Variants in UBASH3B observed in about 807,000 individuals in gnomAD.
UBASH3B encodes the protein ubiquitin associated and SH3 domain containing B, also known as ubiquitin-associated and SH3 domain-containing protein B.
Under a neutral mutation model 83.4 loss-of-function variants are expected in UBASH3B, and 37 were observed. The observed-to-expected ratio is 0.44, with a 90% CI of 0.34 to 0.58. The LOEUF (loss-of-function observed/expected upper bound fraction) is 0.58, where lower values mean the gene tolerates loss of function less well. UBASH3B is among the 20% of genes least tolerant of loss of function. The probability of loss-of-function intolerance (pLI) is 0.01; values close to 1 mark genes in which losing one functional copy is unlikely to be tolerated. For synonymous variants in UBASH3B, 304 were observed against 318.3 expected (o/e 0.96, Z 0.48); for missense variants, 657 against 827.2 (o/e 0.79, Z 2.52).
intron 1 of UBASH3B, among the ~76,000 whole-genome samples, chr11:122,753,988 T>C (rs554925685): frequency 5.9e-5 from 9 of 152,244 alleles, no homozygotes; most frequent in Admixed American, 1.3e-4. Context: ...TCTGTGATGA[T>C]GGGAAGGTTT....
At chr11:122,720,397 C>CCAAACTGGTCTCCCTGTTTTG (rs1860604111) in intron 1 of UBASH3B, among the ~76,000 whole-genome samples, 1 of 152,192 alleles carries the variant, frequency 6.6e-6, no homozygotes, top group South Asian at 2.1e-4. Flanking sequence ...GCAATTGCCT[C>CCAAACTGGTCTCCCTGTTTTG]CAAACTGGTC....
chr11:122,715,515 C>T (rs1860505178), intron 1 of UBASH3B, among the ~76,000 whole-genome samples: 1 of 152,184 alleles, frequency 6.6e-6, no homozygotes, highest in African/African-American at 2.4e-5. Flanking sequence ...GCATAGCTAT[C>T]ATCTTTTAGG....
At chr11:122,733,603 C>T (rs1222310394) in intron 1 of UBASH3B, among the ~76,000 whole-genome samples, 1 of 152,170 alleles carries the variant, frequency 6.6e-6, no homozygotes, top group Admixed American at 6.5e-5. Flanking sequence ...ATCCTCCATT[C>T]GCAGCTGCCT....
chr11:122,685,803 A>T (rs1181292125), intron 1 of UBASH3B, among the ~76,000 whole-genome samples: 1 of 152,218 alleles, frequency 6.6e-6, no homozygotes, highest in Non-Finnish European at 1.5e-5. Flanking sequence ...TACAGGCGTG[A>T]GCTACCACAC....
intron 1 of UBASH3B, chr11:122,774,218 G>A (rs1860695332): frequency 1.0e-6 from 1 of 985,366 alleles, no homozygotes. Context: ...GCTGTTCCAA[G>A]CGGAGCAGAG....
chr11:122,775,588 C>T (rs1860717429), intron 1 of UBASH3B: 2 of 152,170 alleles, frequency 1.3e-5, no homozygotes. Context: ...GCCTGGGCAA[C>T]ATAATGATAT....
intron 1 of UBASH3B, among the ~76,000 whole-genome samples, chr11:122,694,992 C>G (rs1305045971): frequency 3.3e-5 from 3 of 89,760 alleles, no homozygotes; most frequent in African/African-American, 4.3e-5. Flanking sequence ...GAGGTGGAGT[C>G]TCCCTCTTTC....
Position 122,796,999 on chromosome 11 carries a change from C to T in UBASH3B, c.1323C>T (p.Ile441=), listed in dbSNP as rs1326764867. Residue 441 remains isoleucine, a synonymous_variant, in exon 9 of 14, where the codon ATC becomes ATT. Transcript: ENST00000284273. The part of the protein sequence containing the change: ...GFRDYEKDAP[I]TVFGCMQARL... ...GAGATTACGAGAAAGATGCTCCCAT[C>T]ACTGTGTTTGGATGCATGCAAGCAA... 1.9e-6 allele frequency: 3 copies of T among 1,613,618 alleles called. No homozygotes were observed. The highest frequency in any genetic ancestry group is 2.5e-6 in the Non-Finnish European group (3 of 1,179,718).
chr11:122,658,380 T>C (rs958788262), intron 1 of UBASH3B, among the ~76,000 whole-genome samples: 1 of 152,170 alleles, frequency 6.6e-6, no homozygotes, highest in African/African-American at 2.4e-5. Flanking sequence ...TAAAGGGACA[T>C]CTTTTCTCCT....
chr11:122,711,637 C>T (rs1462409415), intron 1 of UBASH3B, among the ~76,000 whole-genome samples: 2 of 152,252 alleles, frequency 1.3e-5, no homozygotes, highest in Admixed American at 6.5e-5. Flanking sequence ...ATTACTACCT[C>T]ATGCTGTGTA....
At chr11:122,753,697 G>A (rs1861238483) in intron 1 of UBASH3B, among the ~76,000 whole-genome samples, 1 of 151,658 alleles carries the variant, frequency 6.6e-6, no homozygotes, top group Non-Finnish European at 1.5e-5. Context: ...ATTTCTCCAT[G>A]TTGGTCAGGC....
intron 10 of UBASH3B, 126 bp downstream of exon 10, chr11:122,799,160 G>A (rs1165281590): frequency 3.0e-5 from 24 of 811,994 alleles, no homozygotes; most frequent in Non-Finnish European, 4.7e-5. Flanking sequence ...AATGAAGCAA[G>A]GATTCTTTCA....
At chr11:122,679,660 C>T (rs1179610732) in intron 1 of UBASH3B, among the ~76,000 whole-genome samples, 1 of 152,128 alleles carries the variant, frequency 6.6e-6, no homozygotes, top group Non-Finnish European at 1.5e-5. Context: ...CATATGGTCT[C>T]CATGGTGGCT....
chr11:122,738,284 A>G (rs1238836668), intron 1 of UBASH3B, among the ~76,000 whole-genome samples: 21 of 152,240 alleles, frequency 1.4e-4, no homozygotes, highest in Admixed American at 1.4e-3. Context: ...TTATTATTCA[A>G]TGGCATGAAT....
At chr11:122,750,743 A>G (rs1861186553) in intron 1 of UBASH3B, among the ~76,000 whole-genome samples, 1 of 152,126 alleles carries the variant, frequency 6.6e-6, no homozygotes, top group Non-Finnish European at 1.5e-5. Context: ...GCGTTTTAAG[A>G]TCCTAGTCCA....
intron 1 of UBASH3B, among the ~76,000 whole-genome samples, chr11:122,745,135 A>AC (rs1323422378): frequency 6.6e-6 from 1 of 152,196 alleles, no homozygotes; most frequent in Non-Finnish European, 1.5e-5. Flanking sequence ...ATCCACACTG[A>AC]AAGACTCACC....
intron 1 of UBASH3B, chr11:122,774,391 A>G: frequency 1.2e-6 from 1 of 836,040 alleles, no homozygotes; most frequent in Non-Finnish European, 1.4e-6. Flanking sequence ...CTTTCTGTGG[A>G]GCAGAACAAC....
chr11:122,670,671 A>G (rs1863582441), intron 1 of UBASH3B, among the ~76,000 whole-genome samples: 1 of 152,054 alleles, frequency 6.6e-6, no homozygotes, highest in South Asian at 2.1e-4. Flanking sequence ...TATGTTAATA[A>G]ACTATTCTAA....
At chr11:122,688,741 T>C (rs1253724958) in intron 1 of UBASH3B, among the ~76,000 whole-genome samples, 1 of 151,802 alleles carries the variant, frequency 6.6e-6, no homozygotes, top group Non-Finnish European at 1.5e-5. Context: ...GCCTCCCGGG[T>C]TCACCCCATT....
Sources: gnomAD v4.1 joint callset for allele counts (sites outside exome capture counted in the v4.1 genomes callset) on GRCh38, gnomAD v4.1.1 for gene constraint, MANE v1.5 for transcripts, NCBI Gene and HGNC (gene_info 2026-07-23, HGNC 2026-07-21) for gene names.